TLE1: variants seen among roughly 807,000 people sequenced by gnomAD.
The protein encoded by TLE1 is TLE family member 1, transcriptional corepressor, also known as transducin-like enhancer protein 1.
Under a neutral mutation model 89.8 loss-of-function variants are expected in TLE1, and 21 were observed. That is an observed-to-expected ratio of 0.23 (90% confidence interval 0.17 to 0.34). The LOEUF is 0.34. Among genes scored for constraint, TLE1 ranks in the 10% least tolerant of loss-of-function variants. TLE1 has a pLI of 1.00. For synonymous variants in TLE1, 447 were observed against 407.6 expected (o/e 1.10, Z -1.16); for missense variants, 795 against 1,031.2 (o/e 0.77, Z 3.14).
intron 1 of TLE1, 100 bp downstream of exon 1, chr9:81,688,117 A>G: frequency 2.0e-6 from 3 of 1,472,630 alleles, no homozygotes; most frequent in East Asian, 2.5e-5. Context: ...TGAGGGCGAG[A>G]AGGTCCGCCG....
intron 6 of TLE1, among the ~76,000 whole-genome samples, chr9:81,639,061 G>A (rs1827763601): frequency 6.6e-6 from 1 of 151,968 alleles, no homozygotes; most frequent in African/African-American, 2.4e-5. Context: ...TACATACTTA[G>A]CTGGGACTAC....
chr9:81,630,822 T>A lies in TLE1; in HGVS notation c.594+2526A>T, dbSNP rs1471870225. ...TCATCTCATTATCCACTGCTTTTCATACTCATTTTTATACAAAGTTTGAAG... is the reference window on the plus strand; with the variant it reads ...TCATCTCATTATCCACTGCTTTTCAAACTCATTTTTATACAAAGTTTGAAG... On this transcript the variant is annotated intron_variant, in intron 8 of 19. Transcript: ENST00000376499. Among the ~76,000 whole-genome samples the A allele has an allele frequency of 2.0e-5, 3 of 152,248 alleles. No homozygotes were observed. In the East Asian group the frequency reaches 5.8e-4, roughly 29 times the overall value.
At chr9:81,645,955 CT>C (rs2132534020) in intron 6 of TLE1, among the ~76,000 whole-genome samples, 1 of 152,188 alleles carries the variant, frequency 6.6e-6, no homozygotes, top group Admixed American at 6.5e-5. Context: ...TATTCTGAAG[CT>C]TTTTTCTCCT....
chr9:81,625,149 T>A (rs1386240950), intron 8 of TLE1, among the ~76,000 whole-genome samples: 1 of 152,150 alleles, frequency 6.6e-6, no homozygotes, highest in Non-Finnish European at 1.5e-5. Flanking sequence ...AGAAACCATA[T>A]ACTCCATAAG....
At chr9:81,619,921 T>C (rs117506369) in intron 9 of TLE1, among the ~76,000 whole-genome samples, 1,669 of 152,346 alleles carry the variant, frequency 0.011, 12 homozygotes, top group Non-Finnish European at 0.017. Flanking sequence ...ATGCTCACTA[T>C]GGAAGACATT....
chr9:81,621,187 C>T (rs1417630695), intron 8 of TLE1, among the ~76,000 whole-genome samples: 1 of 152,178 alleles, frequency 6.6e-6, no homozygotes, highest in Non-Finnish European at 1.5e-5. Context: ...GGCCAGCTCC[C>T]ACACACAAAA....
intron 8 of TLE1, among the ~76,000 whole-genome samples, chr9:81,627,409 G>A (rs569447976): frequency 2.6e-5 from 4 of 151,592 alleles, no homozygotes; most frequent in South Asian, 2.1e-4. Context: ...CCAAGGCCCC[G>A]ATATCCACCT....
At chr9:81,672,306 T>C (rs1832324053) in intron 4 of TLE1, among the ~76,000 whole-genome samples, 1 of 151,850 alleles carries the variant, frequency 6.6e-6, no homozygotes, top group Admixed American at 6.6e-5. Flanking sequence ...TGGCTCTGCC[T>C]TTCTCCCCTG....
At chr9:81,626,445 G>A (rs767574757) in intron 8 of TLE1, among the ~76,000 whole-genome samples, 2 of 152,150 alleles carry the variant, frequency 1.3e-5, no homozygotes, top group East Asian at 1.9e-4. Context: ...GGTCATTCAC[G>A]TACTCTGCCT....
Position 81,605,378 on chromosome 9 carries a change from G to C in TLE1, c.1331+4842C>G, listed in dbSNP as rs553162368. On this transcript the variant is annotated intron_variant, in intron 14 of 19. Transcript: ENST00000376499. ...ACAACAAAAAATGGACTTGGATTTGGTATCTTTTCCCTCCTATTCATTTGT... is the reference window on the plus strand; with the variant it reads ...ACAACAAAAAATGGACTTGGATTTGCTATCTTTTCCCTCCTATTCATTTGT... Among the ~76,000 whole-genome samples, 6 of 152,034 alleles carry C rather than the reference G, an allele frequency of 3.9e-5. No homozygotes were observed. The South Asian group carries it at 6.2e-4, about 16-fold the overall frequency.
intron 14 of TLE1, among the ~76,000 whole-genome samples, chr9:81,594,331 C>CA (rs548006603): frequency 2.4e-4 from 37 of 151,224 alleles, no homozygotes; most frequent in Non-Finnish European, 4.3e-4. Flanking sequence ...ACATATACAC[C>CA]ATGGAATACT....
intron 8 of TLE1, among the ~76,000 whole-genome samples, chr9:81,628,330 C>A (rs1826151114): frequency 6.6e-6 from 1 of 152,056 alleles, no homozygotes; most frequent in South Asian, 2.1e-4. Flanking sequence ...CCTGTGTAGC[C>A]AGAATTCCAC....
chr9:81,598,323 G>C (rs1038939858), intron 14 of TLE1, among the ~76,000 whole-genome samples: 1 of 151,966 alleles, frequency 6.6e-6, no homozygotes, highest in Non-Finnish European at 1.5e-5. Flanking sequence ...CCTCCCGCTA[G>C]AACAGCACCG....
At position 81,584,191 on chromosome 9, in the gene TLE1, A is replaced by G. The variant is rs1266935653; in HGVS notation, c.*7T>C. ...TTCAACTATAAACGTTAAACCACAT[A>G]ATGTTTTCAGTAGATGACTTCATAG... On this transcript the variant is annotated 3_prime_UTR_variant, in exon 20 of 20. Coordinates refer to ENST00000376499, the MANE Select transcript of TLE1 (RefSeq NM_005077.5). 6.2e-7 allele frequency: 1 copy of G among 1,609,720 alleles called. No homozygotes were observed. Among genetic ancestry groups the G allele is most frequent in the South Asian group, 1.1e-5 (1 of 90,922 alleles).
At chr9:81,599,195 T>C (rs565879796) in intron 14 of TLE1, among the ~76,000 whole-genome samples, 37 of 152,262 alleles carry the variant, frequency 2.4e-4, no homozygotes, top group African/African-American at 7.7e-4. Context: ...CACTATCCCT[T>C]ACTGTTTAGA....
chr9:81,584,074 T>G lies in TLE1; in HGVS notation c.*124A>C, dbSNP rs529394238. 1.2e-6 allele frequency: 1 copy of G among 807,748 alleles called. No homozygotes were observed. The highest frequency in any genetic ancestry group is 2.4e-5 in the Admixed American group (1 of 40,992). The allele number at this position is 807,748 out of a possible 1,614,324, so 50.0% of individuals were successfully genotyped here. A position where few individuals can be genotyped will look rare whatever the true frequency, so the allele number is the denominator to read the frequency against. ...TCTTTGTAGACTCAAAGTAGTTTTCTGTCAAGGTTTGGAAACAGGTGTTTG... is the reference window on the plus strand; with the variant it reads ...TCTTTGTAGACTCAAAGTAGTTTTCGGTCAAGGTTTGGAAACAGGTGTTTG... On this transcript the variant is annotated 3_prime_UTR_variant, in exon 20 of 20. Transcript: ENST00000376499.
chr9:81,643,128 AAAG>A (rs1828365972), intron 6 of TLE1, among the ~76,000 whole-genome samples: 1 of 152,220 alleles, frequency 6.6e-6, no homozygotes, highest in South Asian at 2.1e-4. Flanking sequence ...TACCCAAGAT[AAAG>A]AAGATCTGGA....
intron 17 of TLE1, 58 bp from the exon 18 acceptor site, chr9:81,585,713 G>A: frequency 6.3e-7 from 1 of 1,583,770 alleles, no homozygotes; most frequent in Admixed American, 1.7e-5. Context: ...AGGAAGGGAA[G>A]ACGCAATGTG....
At position 81,687,422 on chromosome 9, in the gene TLE1, C is replaced by G. The variant is rs1709644827; in HGVS notation, c.37G>C (p.Ala13Pro). The G allele has an allele frequency of 6.2e-7, 1 of 1,610,082 alleles. No homozygotes were observed. The highest frequency in any genetic ancestry group is 8.5e-7 in the Non-Finnish European group (1 of 1,178,634). Residue 13 changes from alanine to proline, a missense_variant, in exon 2 of 20, where the codon GCT becomes CCT. This residue lies in a region of TLE1 where 47 missense variants were observed against 48.5 expected (regional missense o/e 0.97). Transcript: ENST00000376499. Reference protein sequence around the residue: ...PQSRHPTPHQAAGQPFKFTIP... With the variant: ...PQSRHPTPHQPAGQPFKFTIP... ...GTGAACTTGAAGGGCTGGCCTGCAG[C>G]CTGGTGCGGCGTCTGGGGGCGACCA...
Sources: allele counts gnomAD v4.1 joint callset (sites outside exome capture counted in the v4.1 genomes callset), GRCh38; gene constraint gnomAD v4.1.1; regional missense constraint gnomAD v4.1.1; transcripts MANE v1.5; gene names NCBI Gene and HGNC (gene_info 2026-07-23, HGNC 2026-07-21).